The following TLN2 variants were observed in gnomAD, a reference collection of about 807,000 sequenced individuals.
TLN2 encodes the protein talin 2.
A neutral mutation model predicts 294.7 loss-of-function variants in TLN2; 118 were observed. The observed-to-expected ratio is 0.40, with a 90% CI of 0.34 to 0.47. TLN2 has a LOEUF of 0.47. Among genes scored for constraint, TLN2 ranks in the 20% least tolerant of loss-of-function variants. The probability of loss-of-function intolerance (pLI) is 0.84; values close to 1 mark genes in which losing one functional copy is unlikely to be tolerated. For synonymous variants in TLN2, 1,431 were observed against 1,304.5 expected (o/e 1.10, Z -2.09); for missense variants, 3,083 against 3,282.2 (o/e 0.94, Z 1.48).
chr15:62,497,584 C>T (rs1448880251), intron 1 of TLN2, among the ~76,000 whole-genome samples: 1 of 152,154 alleles, frequency 6.6e-6, no homozygotes, highest in African/African-American at 2.4e-5. Context: ...AATCGTTTCT[C>T]AGGGCTCTTT....
intron 1 of TLN2, among the ~76,000 whole-genome samples, chr15:62,505,193 G>C (rs1349325003): frequency 6.6e-6 from 1 of 152,098 alleles, no homozygotes; most frequent in Non-Finnish European, 1.5e-5. Context: ...TCCTGACCTT[G>C]TGATCCGCCC....
chr15:62,831,946 G>A (rs905904048), intron 54 of TLN2: 9 of 152,170 alleles, frequency 5.9e-5, no homozygotes, highest in Non-Finnish European at 1.3e-4. Flanking sequence ...CCCAAGGGGT[G>A]GCTTTGGCTA....
At chr15:62,655,064 C>T (rs1188722539) in intron 7 of TLN2, among the ~76,000 whole-genome samples, 2 of 151,596 alleles carry the variant, frequency 1.3e-5, no homozygotes, top group African/African-American at 4.8e-5. Context: ...CTCACCCTTT[C>T]TGTGTTTTTT....
intron 57 of TLN2, 122 bp downstream of exon 57, chr15:62,836,195 C>A: frequency 7.3e-7 from 1 of 1,373,048 alleles, no homozygotes; most frequent in Non-Finnish European, 9.9e-7. Flanking sequence ...GCCCTGTCCA[C>A]GTTCCAGCCT....
chr15:62,627,518 A>G (rs1265893212), intron 3 of TLN2, among the ~76,000 whole-genome samples: 1 of 152,242 alleles, frequency 6.6e-6, no homozygotes, highest in Non-Finnish European at 1.5e-5. Context: ...GCAGAGATTC[A>G]TCATATACAG....
intron 37 of TLN2, among the ~76,000 whole-genome samples, chr15:62,756,228 G>T (rs7179299): frequency 1.3e-5 from 2 of 152,102 alleles, no homozygotes; most frequent in African/African-American, 4.8e-5. Flanking sequence ...TAAGTGGAGC[G>T]TCAACTTTTA....
At chr15:62,647,228 CA>C in intron 3 of TLN2, 46 bp from the exon 4 acceptor site, 1 of 1,485,160 alleles carries the variant, frequency 6.7e-7, no homozygotes, top group East Asian at 2.4e-5. Flanking sequence ...TTCCCCAAGA[CA>C]AATTATTATC....
At chr15:62,743,935 G>C (rs2061474293) in intron 32 of TLN2, among the ~76,000 whole-genome samples, 1 of 152,178 alleles carries the variant, frequency 6.6e-6, no homozygotes, top group Non-Finnish European at 1.5e-5. Context: ...TTTGGTCTGA[G>C]GTTCTTGCTG....
chr15:62,832,080 A>G (rs1398256752), intron 54 of TLN2: 1 of 150,912 alleles, frequency 6.6e-6, no homozygotes, highest in Non-Finnish European at 1.5e-5. Context: ...CTGTAAAAAT[A>G]AGGATAAAGA....
At chr15:62,406,994 C>G (rs1036797827) in intron 1 of TLN2, among the ~76,000 whole-genome samples, 3 of 152,076 alleles carry the variant, frequency 2.0e-5, no homozygotes, top group African/African-American at 7.2e-5. Flanking sequence ...ACCTGTAACA[C>G]AAATTGTCAG....
chr15:62,709,554 T>G (rs990304070), intron 21 of TLN2, among the ~76,000 whole-genome samples: 31 of 152,106 alleles, frequency 2.0e-4, no homozygotes, highest in African/African-American at 6.5e-4. Flanking sequence ...AAAGGGTGTT[T>G]TCAGATTCCA....
chr15:62,649,849 C>A (rs2052386239), intron 4 of TLN2: 4 of 466,282 alleles, frequency 8.6e-6, no homozygotes, highest in East Asian at 7.3e-5. Context: ...CAACTACAGC[C>A]CACTGGTTTT....
chr15:62,768,115 T>C (rs2141039380), intron 41 of TLN2, among the ~76,000 whole-genome samples: 1 of 152,252 alleles, frequency 6.6e-6, no homozygotes, highest in East Asian at 1.9e-4. Context: ...ATTGCAGTGC[T>C]CGTGTGGGGC....
chr15:62,515,510 C>G (rs34561012), intron 1 of TLN2, among the ~76,000 whole-genome samples: 62 of 152,114 alleles, frequency 4.1e-4, no homozygotes, highest in Admixed American at 9.8e-4. Flanking sequence ...ATAACAGATC[C>G]TATTATGTGT....
At chr15:62,797,042 C>G (rs1177657974) in intron 47 of TLN2, among the ~76,000 whole-genome samples, 177 bp from the exon 48 acceptor site, 2 of 152,214 alleles carry the variant, frequency 1.3e-5, no homozygotes, top group African/African-American at 2.4e-5. Context: ...TCTTCTCCCC[C>G]CAGTTTTGCA....
chr15:62,442,173 C>G lies in TLN2; in HGVS notation c.-238+51488C>G, dbSNP rs148963064. Among the ~76,000 whole-genome samples, 20 of 151,924 alleles carry G rather than the reference C, an allele frequency of 1.3e-4. 1 individual carries two copies. In the East Asian group the frequency reaches 3.9e-3, roughly 30 times the overall value. On this transcript the variant is annotated intron_variant, in intron 1 of 58. Coordinates refer to ENST00000636159, the MANE Select transcript of TLN2 (RefSeq NM_015059.3). ...TGAGCCCGCCACCCCGACACCATGTCCAGGTGGATAGTGTCAGAACTGAGT... is the reference window on the plus strand; with the variant it reads ...TGAGCCCGCCACCCCGACACCATGTGCAGGTGGATAGTGTCAGAACTGAGT...
chr15:62,502,033 C>G (rs777289300), intron 1 of TLN2, among the ~76,000 whole-genome samples: 2 of 152,142 alleles, frequency 1.3e-5, no homozygotes, highest in African/African-American at 4.8e-5. Flanking sequence ...TCTCTTTGTC[C>G]TAAGCCTATG....
chr15:62,786,147 C>T (rs570471695), intron 45 of TLN2, among the ~76,000 whole-genome samples: 2 of 152,098 alleles, frequency 1.3e-5, no homozygotes, highest in East Asian at 3.9e-4. Flanking sequence ...TTGGGGAAAA[C>T]TGAGAAGGTT....
chr15:62,559,623 C>T (rs1262995738), intron 1 of TLN2, among the ~76,000 whole-genome samples: 2 of 152,186 alleles, frequency 1.3e-5, no homozygotes, highest in African/African-American at 4.8e-5. Flanking sequence ...GTTGCCATAG[C>T]ACCTGACATA....
Sources: allele counts gnomAD v4.1 joint callset (sites outside exome capture counted in the v4.1 genomes callset), GRCh38; gene constraint gnomAD v4.1.1; transcripts MANE v1.5; gene names NCBI Gene and HGNC (gene_info 2026-07-23, HGNC 2026-07-21).